ARHGAP28: variants seen among roughly 807,000 people sequenced by gnomAD.
ARHGAP28 encodes rho GTPase-activating protein 28.
Under a neutral mutation model 90.7 loss-of-function variants are expected in ARHGAP28, and 56 were observed. The observed-to-expected ratio is 0.62, with a 90% CI of 0.50 to 0.77. ARHGAP28 has a LOEUF of 0.77. ARHGAP28 is among the 30% of genes least tolerant of loss of function. The pLI is 0.00. For missense variants in ARHGAP28, 869 were observed against 900.9 expected (o/e 0.96, Z 0.45); for synonymous variants, 308 against 323.3 (o/e 0.95, Z 0.51).
chr18:6,756,854 T>C (rs551571217), intron 1 of ARHGAP28, among the ~76,000 whole-genome samples: 7 of 152,172 alleles, frequency 4.6e-5, no homozygotes, highest in Non-Finnish European at 1.0e-4. Flanking sequence ...GGGAGAAAGA[T>C]GAAGACCACA....
Position 6,873,731 on chromosome 18 carries a change from C to T in ARHGAP28, c.1168C>T (p.Arg390Ter), listed in dbSNP as rs373273554. 1.2e-5 allele frequency: 20 copies of T among 1,613,434 alleles called. No homozygotes were observed. Among genetic ancestry groups the T allele is most frequent in the Non-Finnish European group, 1.5e-5 (18 of 1,179,906 alleles). The part of the protein sequence containing the change: ...VPLTVLLDGD[R>*]KKDPGVKVPL... ...ACTTACAGTCCTCCTGGACGGTGAC[C>T]GAAAGAAAGACCCTGGAGTGAAAGT... The change falls in exon 9 of 18, where the codon CGA (arginine) becomes TGA (stop). Residue 390 changes from arginine (R) to a stop codon, truncating the protein, a stop_gained. Transcript: ENST00000383472. LOFTEE classifies it high-confidence loss of function.
chr18:6,856,546 G>A (rs967908309), intron 4 of ARHGAP28, among the ~76,000 whole-genome samples: 5 of 152,122 alleles, frequency 3.3e-5, no homozygotes, highest in Non-Finnish European at 4.4e-5. Context: ...GTCTCACTCT[G>A]TTGTCCAGCC....
At chr18:6,815,637 T>G (rs187302414) in intron 1 of ARHGAP28, among the ~76,000 whole-genome samples, 1 of 152,216 alleles carries the variant, frequency 6.6e-6, no homozygotes, top group Admixed American at 6.5e-5. Flanking sequence ...ATGGGGAAAT[T>G]TAAGAAACAG....
chr18:6,896,320 G>A (rs1313065406), intron 15 of ARHGAP28, among the ~76,000 whole-genome samples, 182 bp from the exon 16 acceptor site: 1 of 152,186 alleles, frequency 6.6e-6, no homozygotes, highest in African/African-American at 2.4e-5. Flanking sequence ...CCCAGGTTAA[G>A]TTTAGTCATG....
intron 1 of ARHGAP28, among the ~76,000 whole-genome samples, chr18:6,731,284 A>G (rs1217739431): frequency 7.5e-6 from 1 of 132,862 alleles, no homozygotes; most frequent in Non-Finnish European, 1.7e-5. Context: ...AAATATATAT[A>G]TGTGTGCGTG....
chr18:6,826,851 T>C (rs192930154), intron 2 of ARHGAP28, among the ~76,000 whole-genome samples: 2 of 152,250 alleles, frequency 1.3e-5, no homozygotes, highest in Admixed American at 1.3e-4. Context: ...GCAGTGTTTG[T>C]GTCCCTGGGT....
At chr18:6,837,501 A>G (rs1567964607) in intron 3 of ARHGAP28, 87 bp downstream of exon 3, 1 of 985,662 alleles carries the variant, frequency 1.0e-6, no homozygotes. Context: ...AAAATATCAG[A>G]AATGTCTGCT....
intron 14 of ARHGAP28, among the ~76,000 whole-genome samples, chr18:6,893,791 T>G (rs1356659915): frequency 6.6e-6 from 1 of 151,706 alleles, no homozygotes; most frequent in Non-Finnish European, 1.5e-5. Context: ...ATAAAGGTTA[T>G]AAATACCATA....
chr18:6,876,309 A>G (rs1255314321), intron 10 of ARHGAP28, 101 bp downstream of exon 10: 5 of 872,038 alleles, frequency 5.7e-6, no homozygotes, highest in East Asian at 2.5e-5. Context: ...TTTATTAGAT[A>G]TTATCACTTG....
At chr18:6,781,688 C>A (rs1194558395) in intron 1 of ARHGAP28, among the ~76,000 whole-genome samples, 1 of 152,188 alleles carries the variant, frequency 6.6e-6, no homozygotes, top group Non-Finnish European at 1.5e-5. Flanking sequence ...CAGCTCCCAC[C>A]TGACACACTG....
chr18:6,870,573 C>T lies in ARHGAP28; in HGVS notation c.812-17C>T. On this transcript the variant is annotated splice_polypyrimidine_tract_variant and intron_variant, in intron 6 of 17. Transcript: ENST00000383472. The stretch of plus-strand genomic sequence containing the variant: ...AATAGCATATTAAATAGTCTGTATT[C>T]TTTGTTTTGTCTTTAGATGATGATT... 1 of 1,596,036 alleles carries T rather than the reference C, an allele frequency of 6.3e-7. No homozygotes were observed. Among genetic ancestry groups the T allele is most frequent in the Non-Finnish European group, 8.6e-7 (1 of 1,168,780 alleles).
chr18:6,755,470 G>T (rs965535440), intron 1 of ARHGAP28, among the ~76,000 whole-genome samples: 1 of 152,158 alleles, frequency 6.6e-6, no homozygotes, highest in Non-Finnish European at 1.5e-5. Context: ...GAGAAACGGG[G>T]AAAAGCATTG....
intron 2 of ARHGAP28, among the ~76,000 whole-genome samples, chr18:6,826,116 T>A (rs1270419875): frequency 1.3e-5 from 1 of 79,218 alleles, no homozygotes; most frequent in Admixed American, 1.5e-4. Flanking sequence ...GCATTGCCAG[T>A]GTTTTTTTTT....
chr18:6,912,320 G>T lies in ARHGAP28; in HGVS notation c.*166G>T. 1 of 390,448 alleles carries T rather than the reference G, an allele frequency of 2.6e-6. No individual in the cohort carries two copies. Among genetic ancestry groups the T allele is most frequent in the Non-Finnish European group, 4.6e-6 (1 of 217,962 alleles). 24.2% of individuals were successfully genotyped at this position (390,448 alleles called of 1,614,324 possible). ...AGCATGAACTATGGAAGAGGCGCCG[G>T]TTCACCAATTCAACTGAAGCTTTCT... is the stretch of plus-strand genomic sequence containing the variant. On this transcript the variant is annotated 3_prime_UTR_variant, in exon 18 of 18. Coordinates refer to ENST00000383472, the MANE Select transcript of ARHGAP28 (RefSeq NM_001366230.1).
chr18:6,734,802 G>T (rs2055912185), intron 1 of ARHGAP28, among the ~76,000 whole-genome samples: 1 of 152,116 alleles, frequency 6.6e-6, no homozygotes, highest in African/African-American at 2.4e-5. Context: ...TTCTTGAGAG[G>T]ATTCAAAAAT....
chr18:6,746,830 A>G (rs929796631), intron 1 of ARHGAP28, among the ~76,000 whole-genome samples: 4 of 152,216 alleles, frequency 2.6e-5, no homozygotes, highest in Admixed American at 2.6e-4. Flanking sequence ...AGAAACGGAT[A>G]TAGGAATTCA....
intron 1 of ARHGAP28, among the ~76,000 whole-genome samples, chr18:6,788,284 C>T (rs991902643): frequency 5.3e-5 from 8 of 152,112 alleles, no homozygotes; most frequent in Non-Finnish European, 7.3e-5. Context: ...CTAGCTCCCC[C>T]TTTGCCTTTG....
chr18:6,803,608 G>C (rs549787190), intron 1 of ARHGAP28, among the ~76,000 whole-genome samples: 28 of 152,150 alleles, frequency 1.8e-4, no homozygotes, highest in African/African-American at 6.0e-4. Context: ...GAGTTAGTGA[G>C]TGTTCCCTCC....
intron 3 of ARHGAP28, among the ~76,000 whole-genome samples, chr18:6,839,282 A>T (rs574021116): frequency 6.7e-6 from 1 of 150,222 alleles, no homozygotes; most frequent in African/African-American, 2.4e-5. Context: ...GATTCACATT[A>T]ACCAGCATAA....
Sources: gnomAD v4.1 joint callset for allele counts (sites outside exome capture counted in the v4.1 genomes callset) on GRCh38, gnomAD v4.1.1 for gene constraint, MANE v1.5 for transcripts, NCBI Gene and HGNC (gene_info 2026-07-23, HGNC 2026-07-21) for gene names.